The following MGAT5 variants were observed in gnomAD, a reference collection of about 807,000 sequenced individuals.
MGAT5 encodes alpha-1,6-mannosylglycoprotein 6-beta-N-acetylglucosaminyltransferase.
A neutral mutation model predicts 94.3 loss-of-function variants in MGAT5; 30 were observed. The observed-to-expected ratio is 0.32, with a 90% CI of 0.24 to 0.43. The LOEUF (loss-of-function observed/expected upper bound fraction) is 0.43, where lower values mean the gene tolerates loss of function less well. MGAT5 is among the 20% of genes least tolerant of loss of function. The probability of loss-of-function intolerance (pLI) is 1.00; values close to 1 mark genes in which losing one functional copy is unlikely to be tolerated. For synonymous variants in MGAT5, 310 were observed against 322.9 expected (o/e 0.96, Z 0.43); for missense variants, 691 against 905.5 (o/e 0.76, Z 3.04).
At chr2:134,256,895 GA>G (rs1475893286) in intron 1 of MGAT5, among the ~76,000 whole-genome samples, 1 of 152,172 alleles carries the variant, frequency 6.6e-6, no homozygotes, top group Non-Finnish European at 1.5e-5. Context: ...TTTGGGAGCT[GA>G]GTTTCTGGAA....
chr2:134,237,146 T>TGCGC (rs780964803), intron 1 of MGAT5, among the ~76,000 whole-genome samples: 4 of 122,946 alleles, frequency 3.3e-5, no homozygotes, highest in Non-Finnish European at 7.6e-5. Flanking sequence ...TGTGTGTGTG[T>TGCGC]GTGCGCGTGT....
intron 10 of MGAT5, among the ~76,000 whole-genome samples, chr2:134,398,220 T>C (rs1682825383): frequency 6.6e-6 from 1 of 152,228 alleles, no homozygotes; most frequent in Non-Finnish European, 1.5e-5. Flanking sequence ...GCATTTTGGA[T>C]GACGTGAGCT....
At chr2:134,327,923 A>C (rs1339826193) in intron 4 of MGAT5, among the ~76,000 whole-genome samples, 1 of 152,268 alleles carries the variant, frequency 6.6e-6, no homozygotes, top group Non-Finnish European at 1.5e-5. Context: ...CTTAAAATTG[A>C]GTGACTTTAG....
At chr2:134,351,093 C>A (rs1365249309) in intron 9 of MGAT5, among the ~76,000 whole-genome samples, 2 of 152,132 alleles carry the variant, frequency 1.3e-5, no homozygotes, top group East Asian at 1.9e-4. Context: ...TTTTAAAAAT[C>A]AACTCATCCT....
intron 2 of MGAT5, among the ~76,000 whole-genome samples, chr2:134,277,238 ATAG>A (rs1390685846): frequency 1.3e-5 from 2 of 152,142 alleles, no homozygotes; most frequent in African/African-American, 2.4e-5. Flanking sequence ...GGGGGAAATA[ATAG>A]TAGTGTCCAT....
chr2:134,436,584 C>G (rs1191996818), intron 14 of MGAT5, among the ~76,000 whole-genome samples: 1 of 152,142 alleles, frequency 6.6e-6, no homozygotes, highest in Non-Finnish European at 1.5e-5. Flanking sequence ...GGACATCTCC[C>G]ATGGTTTGGG....
intron 1 of MGAT5, among the ~76,000 whole-genome samples, chr2:134,150,305 A>G (rs572793429): frequency 4.6e-5 from 7 of 152,320 alleles, no homozygotes; most frequent in Admixed American, 3.9e-4. Flanking sequence ...CCTCTGGATC[A>G]TGATGCTATA....
intron 1 of MGAT5, among the ~76,000 whole-genome samples, chr2:134,144,224 A>C (rs1686798742): frequency 6.6e-6 from 1 of 152,202 alleles, no homozygotes; most frequent in Non-Finnish European, 1.5e-5. Flanking sequence ...ATTGGCTTAC[A>C]GTTTCACAGG....
At chr2:134,237,426 A>G (rs1015808858) in intron 1 of MGAT5, among the ~76,000 whole-genome samples, 11 of 152,130 alleles carry the variant, frequency 7.2e-5, no homozygotes, top group African/African-American at 2.7e-4. Context: ...CCAGATATAA[A>G]CCAAACCTGC....
intron 1 of MGAT5, among the ~76,000 whole-genome samples, chr2:134,237,384 A>G (rs1313941819): frequency 6.6e-6 from 1 of 152,224 alleles, no homozygotes; most frequent in Non-Finnish European, 1.5e-5. Flanking sequence ...AAATGTTTGC[A>G]GAATAATCTG....
intron 1 of MGAT5, among the ~76,000 whole-genome samples, chr2:134,145,186 A>G (rs1004510839): frequency 6.7e-6 from 1 of 148,178 alleles, no homozygotes; most frequent in African/African-American, 2.6e-5. Flanking sequence ...AATTATAACC[A>G]AAGTAAGGTG....
chr2:134,337,612 C>A (rs111805284), intron 5 of MGAT5, among the ~76,000 whole-genome samples: 3,739 of 152,218 alleles, frequency 0.025, 172 homozygotes, highest in African/African-American at 0.085. Flanking sequence ...TCCAATCACT[C>A]GTTGTATCCA....
intron 1 of MGAT5, among the ~76,000 whole-genome samples, chr2:134,245,242 A>G (rs1381410786): frequency 1.3e-5 from 2 of 152,132 alleles, no homozygotes; most frequent in East Asian, 1.9e-4. Context: ...TCGACCTCCC[A>G]ACCTCGTGAT....
chr2:134,333,247 T>G (rs1167465423), intron 4 of MGAT5, among the ~76,000 whole-genome samples: 2 of 151,942 alleles, frequency 1.3e-5, no homozygotes. Context: ...TGGAATACTA[T>G]GCAGCCATAA....
chr2:134,208,265 T>G (rs1558988712), intron 1 of MGAT5, among the ~76,000 whole-genome samples: 1 of 152,230 alleles, frequency 6.6e-6, no homozygotes, highest in Non-Finnish European at 1.5e-5. Context: ...ATCAACTCAT[T>G]TATTTTAATT....
intron 1 of MGAT5, among the ~76,000 whole-genome samples, chr2:134,213,337 C>T (rs895861470): frequency 6.6e-6 from 1 of 151,376 alleles, no homozygotes; most frequent in Non-Finnish European, 1.5e-5. Context: ...CCGCCCCCCA[C>T]TGCTGCCTTT....
rs140499078 is a variant in MGAT5, at chr2:134,344,790, A to T, written c.978-140A>T. 9.8e-6 allele frequency: 9 copies of T among 920,048 alleles called. No individual in the cohort carries two copies. The East Asian group carries it at 1.8e-4, about 19-fold the overall frequency. The allele number at this position is 920,048 out of a possible 1,614,324, so 57.0% of individuals were successfully genotyped here. On this transcript the variant is annotated intron_variant, in intron 7 of 15. Transcript: ENST00000281923. ...ATGGATGGAAATAATTTATATAGGT[A>T]GCAGATTTGAAAGGGCCATGCTGTC...
intron 4 of MGAT5, among the ~76,000 whole-genome samples, chr2:134,325,784 G>A (rs145677575): frequency 0.018 from 2,737 of 152,014 alleles, 49 homozygotes; most frequent in Admixed American, 0.026. Context: ...GTTCTCTTCC[G>A]TCTCTTACTT....
At chr2:134,390,303 A>G (rs745768159) in intron 10 of MGAT5, among the ~76,000 whole-genome samples, 4 of 152,194 alleles carry the variant, frequency 2.6e-5, no homozygotes, top group Non-Finnish European at 5.9e-5. Context: ...CTACCCTCCA[A>G]TCAAATCAAA....
Sources: allele counts gnomAD v4.1 joint callset (sites outside exome capture counted in the v4.1 genomes callset), GRCh38; gene constraint gnomAD v4.1.1; transcripts MANE v1.5; gene names NCBI Gene and HGNC (gene_info 2026-07-23, HGNC 2026-07-21).